Variants in CEP83 observed in about 807,000 individuals in gnomAD.
The protein encoded by CEP83 is centrosomal protein 83, also known as centrosomal protein of 83 kDa.
In CEP83, 70 loss-of-function variants were observed where a neutral mutation model predicts 101.9. The observed-to-expected ratio is 0.69, with a 90% CI of 0.57 to 0.84. The LOEUF is 0.84. Among genes scored for constraint, CEP83 ranks in the 40% least tolerant of loss-of-function variants. CEP83 has a pLI of 0.00. For missense variants in CEP83, 715 were observed against 787.2 expected, an observed-to-expected ratio of 0.91 and a Z score of 1.10; for synonymous variants, 264 against 267.9, an observed-to-expected ratio of 0.99 and a Z score of 0.14.
At chr12:94,356,031 G>C (rs1593370375) in intron 11 of CEP83, among the ~76,000 whole-genome samples, 1 of 152,172 alleles carries the variant, frequency 6.6e-6, no homozygotes, top group African/African-American at 2.4e-5. Flanking sequence ...AATTCCTCTA[G>C]TGCCGCTGGG....
At chr12:94,362,968 G>T (rs185974387) in intron 11 of CEP83, among the ~76,000 whole-genome samples, 1 of 152,314 alleles carries the variant, frequency 6.6e-6, no homozygotes, top group Admixed American at 6.5e-5. Flanking sequence ...ACTCACATGT[G>T]TAAGCTAAAA....
intron 14 of CEP83, among the ~76,000 whole-genome samples, chr12:94,324,006 A>C (rs2058861351): frequency 6.6e-6 from 1 of 152,218 alleles, no homozygotes; most frequent in Non-Finnish European, 1.5e-5. Context: ...ATGTTAAGCC[A>C]CCTATATTCC....
At position 94,335,576 on chromosome 12, in the gene CEP83, G is replaced by T; in HGVS notation, c.1419+13C>A. ...TTGAAAAAATAAAAGGAAAATCTTC[G>T]CTAAAATCATACCTGTTTTAGGTCA... is the stretch of plus-strand genomic sequence containing the variant. On this transcript the variant is annotated intron_variant, in intron 12 of 16. Transcript: ENST00000397809. 1.3e-6 allele frequency: 2 copies of T among 1,490,594 alleles called. No homozygotes were observed. Among genetic ancestry groups the T allele is most frequent in the Non-Finnish European group, 1.8e-6 (2 of 1,091,850 alleles). The allele number at this position is 1,490,594 out of a possible 1,614,324, so 92.3% of individuals were successfully genotyped here.
chr12:94,279,850 C>A, the CEP83 span: 2 of 695,524 alleles, frequency 2.9e-6, no homozygotes, highest in Admixed American at 4.1e-5. Context: ...TCGAAGGAAG[C>A]ACGGTCCTTC....
intron 2 of CEP83, 35 bp from the exon 3 acceptor site, chr12:94,412,626 C>T (rs920476216): frequency 9.9e-6 from 6 of 608,072 alleles, no homozygotes; most frequent in South Asian, 2.4e-5. Context: ...ACATAATTTG[C>T]GATCAGTAAA....
At chr12:94,414,474 T>C (rs962180498) in intron 2 of CEP83, among the ~76,000 whole-genome samples, 10 of 152,238 alleles carry the variant, frequency 6.6e-5, no homozygotes, top group Non-Finnish European at 1.2e-4. Context: ...CACCTGCTAA[T>C]AGATGATTAC....
In CEP83 at chr12:94,308,635, T is replaced by C. The variant is rs530500141; in HGVS notation, c.*178A>G. The C allele has an allele frequency of 1.7e-5, 7 of 423,874 alleles. No individual in the cohort carries two copies. In the South Asian group the frequency reaches 3.8e-4, roughly 23 times the overall value. 26.3% of individuals were successfully genotyped at this position (423,874 alleles called of 1,614,324 possible). A position where few individuals can be genotyped will look rare whatever the true frequency, so the allele number is the denominator to read the frequency against. On this transcript the variant is annotated 3_prime_UTR_variant, in exon 17 of 17. Coordinates refer to ENST00000397809, the MANE Select transcript of CEP83 (RefSeq NM_016122.3). ...AGAATTTCTCTTTTAATGCTTCACT[T>C]GTATAATCTTAAAATCCTGACAGTC...
the CEP83 span, among the ~76,000 whole-genome samples, chr12:94,268,181 G>A: frequency 9.9e-5 from 15 of 152,190 alleles, no homozygotes; most frequent in African/African-American, 3.6e-4. Context: ...CAATCTAAAA[G>A]TTAGCTTTCA....
intron 14 of CEP83, among the ~76,000 whole-genome samples, chr12:94,324,403 T>G (rs907689429): frequency 2.6e-5 from 4 of 152,240 alleles, no homozygotes; most frequent in African/African-American, 9.6e-5. Flanking sequence ...CATGATTAAT[T>G]AGCATAATAG....
intron 6 of CEP83, among the ~76,000 whole-genome samples, chr12:94,395,789 C>CCA (rs756701482): frequency 1.3e-5 from 2 of 152,160 alleles, no homozygotes; most frequent in Non-Finnish European, 2.9e-5. Flanking sequence ...CCGCTGCGCT[C>CCA]CAGCCTGGAG....
intron 2 of CEP83, among the ~76,000 whole-genome samples, chr12:94,413,714 A>G (rs1473020371): frequency 6.6e-6 from 1 of 152,086 alleles, no homozygotes; most frequent in Non-Finnish European, 1.5e-5. Context: ...GTCACTGTTT[A>G]TTTCATCTAG....
chr12:94,357,594 C>T (rs1367209851), intron 11 of CEP83, among the ~76,000 whole-genome samples: 1 of 152,150 alleles, frequency 6.6e-6, no homozygotes, highest in Non-Finnish European at 1.5e-5. Flanking sequence ...AATGTCTGTC[C>T]CCTGCCACAG....
chr12:94,327,848 T>C (rs2059035268), intron 14 of CEP83, among the ~76,000 whole-genome samples: 1 of 152,262 alleles, frequency 6.6e-6, no homozygotes, highest in Admixed American at 6.5e-5. Context: ...TTCAGACTTT[T>C]GTCTGTCTAG....
At chr12:94,335,284 T>C (rs2059401998) in intron 12 of CEP83, among the ~76,000 whole-genome samples, 1 of 152,080 alleles carries the variant, frequency 6.6e-6, no homozygotes, top group African/African-American at 2.4e-5. Context: ...CTATTGAGTT[T>C]TTAAAATTCT....
At chr12:94,267,390 T>C in the CEP83 span, among the ~76,000 whole-genome samples, 9 of 152,160 alleles carry the variant, frequency 5.9e-5, no homozygotes, top group Admixed American at 3.9e-4. Context: ...GACCATGTGT[T>C]TCTGATTTGT....
At chr12:94,344,134 T>A (rs558259588) in intron 11 of CEP83, among the ~76,000 whole-genome samples, 4 of 152,328 alleles carry the variant, frequency 2.6e-5, no homozygotes, top group African/African-American at 9.6e-5. Flanking sequence ...GAAAATTAAT[T>A]CCTGTTGTTT....
At chr12:94,375,743 C>T (rs1453182592) in intron 8 of CEP83, 143 bp downstream of exon 8, 2 of 449,728 alleles carry the variant, frequency 4.4e-6, no homozygotes, top group African/African-American at 2.0e-5. Context: ...ACATACTCTA[C>T]TGATCAATGT....
At chr12:94,347,174 C>G (rs796954249) in intron 11 of CEP83, among the ~76,000 whole-genome samples, 30 of 150,562 alleles carry the variant, frequency 2.0e-4, no homozygotes, top group African/African-American at 6.8e-4. Context: ...AAATATGTAT[C>G]TAAGAAAGAG....
intron 11 of CEP83, among the ~76,000 whole-genome samples, chr12:94,350,461 C>T (rs1005058975): frequency 5.9e-5 from 9 of 152,066 alleles, no homozygotes; most frequent in African/African-American, 2.2e-4. Context: ...TTGGACCTCT[C>T]TTTATATAGG....
Sources: gnomAD v4.1 joint callset for allele counts (sites outside exome capture counted in the v4.1 genomes callset) on GRCh38, gnomAD v4.1.1 for gene constraint, MANE v1.5 for transcripts, NCBI Gene and HGNC (gene_info 2026-07-23, HGNC 2026-07-21) for gene names.